Variants in CELSR1 observed in about 807,000 individuals in gnomAD.
CELSR1 encodes the protein adhesion G protein-coupled receptor C1.
Under a neutral mutation model 249.1 loss-of-function variants are expected in CELSR1, and 110 were observed. That is an observed-to-expected ratio of 0.44 (90% CI 0.38 to 0.52). The LOEUF (loss-of-function observed/expected upper bound fraction) is 0.52. Among genes scored for constraint, CELSR1 ranks in the 20% least tolerant of loss-of-function variants. The probability of loss-of-function intolerance (pLI) is 0.00; values close to 1 mark genes in which losing one functional copy is unlikely to be tolerated. For missense variants in CELSR1, 4,109 were observed against 4,296.4 expected, an observed-to-expected ratio of 0.96 and a Z score of 1.22; for synonymous variants, 2,113 against 1,900.0, an observed-to-expected ratio of 1.11 and a Z score of -2.92.
At chr22:46,499,237 C>T (rs967752836) in intron 1 of CELSR1, among the ~76,000 whole-genome samples, 1 of 150,864 alleles carries the variant, frequency 6.6e-6, no homozygotes. Flanking sequence ...CACTCCTGGG[C>T]TCAGCAATGC....
Position 46,433,339 on chromosome 22 carries a change from G to T in CELSR1, c.4611+54C>A. 7.0e-7 allele frequency: 1 copy of T among 1,430,408 alleles called. No individual in the cohort carries two copies. The highest frequency in any genetic ancestry group is 9.7e-7 in the Non-Finnish European group (1 of 1,025,898). 88.6% of individuals were successfully genotyped at this position (1,430,408 alleles called of 1,614,324 possible). On this transcript the variant is annotated intron_variant, in intron 5 of 34. Transcript: ENST00000674500. The surrounding 1 kb of genome is among the most constrained non-coding windows in gnomAD (Gnocchi z 5.7). ...CGTGAGCCACTGCGCCTCGCCCCAG[G>T]GCACCTTCTCGAGCCGCCCTGGGGC...
rs1164052005 is a variant in CELSR1, at chr22:46,446,414, C to T, written c.4184-7003G>A. ...CTCAAAATCTCCCCTCTCCAGCAAT[C>T]GCCCCACCAGCTCCACATCCAGCCC... is the stretch of plus-strand genomic sequence containing the variant. On this transcript the variant is annotated intron_variant, in intron 2 of 34. Coordinates refer to ENST00000674500, the MANE Select transcript of CELSR1 (RefSeq NM_001378328.1). This position sits in a 1 kb window ranked among gnomAD's most constrained non-coding sequence, Gnocchi z 5.5. Among the ~76,000 whole-genome samples the T allele has an allele frequency of 2.6e-5, 4 of 152,170 alleles. No homozygotes were observed. Among genetic ancestry groups the T allele is most frequent in the East Asian group, 3.8e-4 (2 of 5,196 alleles).
chr22:46,530,938 A>C lies in CELSR1; in HGVS notation c.3544+2689T>G, dbSNP rs9627490. Among the ~76,000 whole-genome samples, 511 of 152,338 alleles carry C rather than the reference A, an allele frequency of 3.4e-3. 3 individuals carry two copies. Among genetic ancestry groups the C allele is most frequent in the African/African-American group, 0.012 (487 of 41,572 alleles). On this transcript the variant is annotated intron_variant, in intron 1 of 34. Coordinates refer to ENST00000674500, the MANE Select transcript of CELSR1 (RefSeq NM_001378328.1). ...CTGGTCATATTGCATCAAAGGCTTT[A>C]GGGCATGGCTGTAAATCCTGGGGAA...
chr22:46,438,693 A>G (rs1373571470), intron 3 of CELSR1, among the ~76,000 whole-genome samples: 1 of 152,166 alleles, frequency 6.6e-6, no homozygotes, highest in Non-Finnish European at 1.5e-5. Flanking sequence ...GAGGCTGGGG[A>G]GGGAGCAGGG....
At chr22:46,449,411 T>C (rs1310056509) in intron 2 of CELSR1, among the ~76,000 whole-genome samples, 1 of 150,216 alleles carries the variant, frequency 6.7e-6, no homozygotes, top group Non-Finnish European at 1.5e-5. Context: ...CATCCATCCA[T>C]CCAACCACCC....
rs1379484779 is a variant in CELSR1, at chr22:46,417,689, G to T, written c.4612-5930C>A. Among the ~76,000 whole-genome samples, 1 of 152,214 alleles carries T rather than the reference G, an allele frequency of 6.6e-6. No homozygotes were observed. The highest frequency in any genetic ancestry group is 1.5e-5 in the Non-Finnish European group (1 of 68,036). On this transcript the variant is annotated intron_variant, in intron 5 of 34. Coordinates refer to ENST00000674500, the MANE Select transcript of CELSR1 (RefSeq NM_001378328.1). This position sits in a 1 kb window ranked among gnomAD's most constrained non-coding sequence, Gnocchi z 4.1. ...TGAATCCCTCACCTGCCAGGGACCT[G>T]GGGCAGAAGACATACTCTATGAGCC... is the stretch of plus-strand genomic sequence containing the variant.
intron 2 of CELSR1, among the ~76,000 whole-genome samples, chr22:46,453,557 A>G (rs776076600): frequency 3.9e-5 from 6 of 152,194 alleles, no homozygotes; most frequent in Non-Finnish European, 5.9e-5. Context: ...GGCAGGCCAG[A>G]GGTGCGTGAT....
chr22:46,504,962 T>C (rs1273202010), intron 1 of CELSR1, among the ~76,000 whole-genome samples: 3 of 152,176 alleles, frequency 2.0e-5, no homozygotes, highest in Non-Finnish European at 4.4e-5. Context: ...AATGAGGCCA[T>C]CTCAAAAGAG....
Position 46,391,807 on chromosome 22 carries a change from A to G in CELSR1, c.5974T>C (p.Tyr1992His), listed in dbSNP as rs576440056. ...NGQCQCKENY[Y>H]KLLAQDTCLP... ...CAGGTGTCCTGGGCTAGGAGCTTGT[A>G]GTAATTCTCCTGCAAAAGCCAGAGG... The change falls in exon 15 of 35, where the codon TAC becomes CAC. Residue 1992 changes from tyrosine to histidine, a missense_variant. Tyr to His is a moderately conservative substitution (Grantham distance 83). Coordinates refer to ENST00000674500, the MANE Select transcript of CELSR1 (RefSeq NM_001378328.1). The surrounding 1 kb of genome is among the most constrained non-coding windows in gnomAD (Gnocchi z 4.3). 2 of 1,609,744 alleles carry G rather than the reference A, an allele frequency of 1.2e-6. No individual in the cohort carries two copies. Among genetic ancestry groups the G allele is most frequent in the African/African-American group, 1.3e-5 (1 of 74,770 alleles).
At position 46,411,857 on chromosome 22, in the gene CELSR1, G is replaced by A. The variant is rs1397156445; in HGVS notation, c.4612-98C>T. ...CATAGAGCGAGGAGGACATGGCACA[G>A]GGTGGGCGGCACGTAGACAAGGGAT... On this transcript the variant is annotated intron_variant, in intron 5 of 34. Coordinates refer to ENST00000674500, the MANE Select transcript of CELSR1 (RefSeq NM_001378328.1). The surrounding 1 kb of genome is among the most constrained non-coding windows in gnomAD (Gnocchi z 4.2). The A allele has an allele frequency of 1.3e-6, 2 of 1,496,770 alleles. No individual in the cohort carries two copies. Among genetic ancestry groups the A allele is most frequent in the Admixed American group, 1.7e-5 (1 of 58,392 alleles). The allele number at this position is 1,496,770 out of a possible 1,614,324, so 92.7% of individuals were successfully genotyped here.
intron 1 of CELSR1, among the ~76,000 whole-genome samples, chr22:46,508,477 GTCC>G: frequency 8.8e-6 from 1 of 113,248 alleles, no homozygotes; most frequent in East Asian, 2.9e-4. Flanking sequence ...TCCCCTCACT[GTCC>G]TCCTGCCAGA....
chr22:46,528,157 C>A (rs991869767), intron 1 of CELSR1, among the ~76,000 whole-genome samples: 1 of 151,636 alleles, frequency 6.6e-6, no homozygotes, highest in Non-Finnish European at 1.5e-5. Context: ...CAGAAAAGCA[C>A]GCTGCCATGC....
In CELSR1 at chr22:46,535,959, C is replaced by G; in HGVS notation, c.1212G>C (p.Glu404Asp). 1 of 1,610,300 alleles carries G rather than the reference C, an allele frequency of 6.2e-7. No individual in the cohort carries two copies. The highest frequency in any genetic ancestry group is 8.5e-7 in the Non-Finnish European group (1 of 1,179,890). ...GGAWDVFQLN[E>D]SSGVVSTRAV... ...CCCGTGTGCTCACCACGCCAGAGCTCTCGTTGAGCTGGAAGACGTCCCACG... is the reference window on the plus strand; with the variant it reads ...CCCGTGTGCTCACCACGCCAGAGCTGTCGTTGAGCTGGAAGACGTCCCACG... The change falls in exon 1 of 35, where the codon GAG (glutamate) becomes GAC (aspartate). Residue 404 changes from glutamate (E) to aspartate (D), a missense_variant. Coordinates refer to ENST00000674500, the MANE Select transcript of CELSR1 (RefSeq NM_001378328.1).
rs541554264 is a variant in CELSR1 at position 46,433,514 on chromosome 22, CAG to C, written c.4523-35_4523-34del. 2.2e-4 allele frequency: 351 copies of C among 1,578,972 alleles called. No homozygotes were observed. The highest frequency in any genetic ancestry group is 2.9e-4 in the Non-Finnish European group (332 of 1,154,320). On this transcript the variant is annotated intron_variant, in intron 4 of 34. Coordinates refer to ENST00000674500, the MANE Select transcript of CELSR1 (RefSeq NM_001378328.1). This position sits in a 1 kb window ranked among gnomAD's most constrained non-coding sequence, Gnocchi z 5.7. ...GTGGGAGGGAGACCCAGAGAGAAAACAGGGGTTGGCGGGGCCTACTGGGGACC... is the reference window on the plus strand; with the variant it reads ...GTGGGAGGGAGACCCAGAGAGAAAACGGGTTGGCGGGGCCTACTGGGGACC...
chr22:46,507,420 C>T (rs1188909412), intron 1 of CELSR1, among the ~76,000 whole-genome samples: 1 of 151,900 alleles, frequency 6.6e-6, no homozygotes, highest in Non-Finnish European at 1.5e-5. Flanking sequence ...CCCATGATGA[C>T]CCCCACAGCA....
Position 46,534,099 on chromosome 22 carries a change from G to A in CELSR1, c.3072C>T (p.Asn1024=), listed in dbSNP as rs1254496120. 1.1e-5 allele frequency: 18 copies of A among 1,613,608 alleles called. No homozygotes were observed. Among genetic ancestry groups the A allele is most frequent in the East Asian group, 2.2e-5 (1 of 44,896 alleles). ...VGSVVAKIRA[N]DPDEGPNAQI... is the part of the protein sequence containing the mutation. ...GGGCATTAGGGCCTTCATCAGGGTC[G>A]TTAGCACGAATCTTTGCCACCACCG... is the stretch of plus-strand genomic sequence containing the variant. Residue 1024 remains asparagine (N), a synonymous_variant, in exon 1 of 35, where the codon AAC becomes AAT. Coordinates refer to ENST00000674500, the MANE Select transcript of CELSR1 (RefSeq NM_001378328.1). The surrounding 1 kb of genome is among the most constrained non-coding windows in gnomAD (Gnocchi z 9.7).
rs71719588 is a variant in CELSR1, at chr22:46,371,866, AATCCATCC to A, written c.7759+1009_7759+1016del. ...CACCTATTCATCCACTCACTTATCC[AATCCATCC>A]ATCCATCCATCCATCCACCCACCTC... On this transcript the variant is annotated intron_variant, in intron 25 of 34. Transcript: ENST00000674500. Among the ~76,000 whole-genome samples, 107 of 127,148 alleles carry A rather than the reference AATCCATCC, an allele frequency of 8.4e-4. 1 individual carries two copies. Among genetic ancestry groups the A allele is most frequent in the African/African-American group, 1.8e-3 (55 of 30,316 alleles). The allele number at this position is 127,148 out of a possible 152,430, so 83.4% of individuals were successfully genotyped here. A position where few individuals can be genotyped will look rare whatever the true frequency, so the allele number is the denominator to read the frequency against.
chr22:46,444,935 G>A (rs1181085011), intron 2 of CELSR1, among the ~76,000 whole-genome samples: 2 of 152,214 alleles, frequency 1.3e-5, no homozygotes, highest in Non-Finnish European at 2.9e-5. Flanking sequence ...GCCGGGAGCG[G>A]TGGCTCGTGC....
chr22:46,438,660 G>C lies in CELSR1; in HGVS notation c.4406+529C>G, dbSNP rs181189983. 5.9e-5 allele frequency among the ~76,000 whole-genome samples: 9 copies of C among 152,334 alleles called. No homozygotes were observed. In the East Asian group the frequency reaches 1.7e-3, roughly 29 times the overall value. On this transcript the variant is annotated intron_variant, in intron 3 of 34. Coordinates refer to ENST00000674500, the MANE Select transcript of CELSR1 (RefSeq NM_001378328.1). ...CATTTAATTAAACGTTATTGGAGGT[G>C]GAGAGGATAGTGGTGGTCACCAGAG...
Sources: allele counts gnomAD v4.1 joint callset (sites outside exome capture counted in the v4.1 genomes callset), GRCh38; gene constraint gnomAD v4.1.1; non-coding constraint Gnocchi (gnomAD v3.1); transcripts MANE v1.5; gene names NCBI Gene and HGNC (gene_info 2026-07-23, HGNC 2026-07-21).